The following CCDC127 variants were observed in gnomAD, a reference collection of about 807,000 sequenced individuals.
The protein encoded by CCDC127 is coiled-coil domain containing 127, also known as coiled-coil domain-containing protein 127.
In CCDC127, 2 loss-of-function variants were observed where a neutral mutation model predicts 4.1. That is an observed-to-expected ratio of 0.49 (90% CI 0.20 to 1.53). The LOEUF (loss-of-function observed/expected upper bound fraction) is 1.53, where lower values mean the gene tolerates loss of function less well. Among genes scored for constraint, CCDC127 ranks in the 40% most tolerant of loss-of-function variants. The pLI is 0.23. For missense variants in CCDC127, 271 were observed against 322.9 expected (o/e 0.84, Z 1.23); for synonymous variants, 98 against 120.4 (o/e 0.81, Z 1.22).
chr5:207,295 A>C (rs919856563), intron 2 of CCDC127, among the ~76,000 whole-genome samples: 3 of 152,208 alleles, frequency 2.0e-5, no homozygotes, highest in Admixed American at 1.3e-4. Context: ...TGCTAGTCCT[A>C]CTTCAGATGA....
intron 2 of CCDC127, among the ~76,000 whole-genome samples, chr5:208,764 C>T (rs983661939): frequency 9.2e-5 from 14 of 152,210 alleles, no homozygotes; most frequent in South Asian, 2.1e-4. Context: ...CCTGCCAGGG[C>T]GCCATTCAAG....
chr5:215,172 T>A (rs1050690706), intron 2 of CCDC127: 1 of 152,328 alleles, frequency 6.6e-6, no homozygotes, highest in East Asian at 1.9e-4. Context: ...AACGCTCCTA[T>A]GTGCAACAGA....
At chr5:213,108 C>T (rs1397708584) in intron 2 of CCDC127, among the ~76,000 whole-genome samples, 2 of 54,168 alleles carry the variant, frequency 3.7e-5, no homozygotes, top group Admixed American at 1.8e-4. Context: ...ACTGCAGCCA[C>T]GATGAGACAG....
At position 205,247 on chromosome 5, in the gene CCDC127, A is replaced by AT. The variant is rs764617214; in HGVS notation, c.*49dup. On this transcript the variant is annotated 3_prime_UTR_variant, in exon 3 of 3. Coordinates refer to ENST00000296824, the MANE Select transcript of CCDC127 (RefSeq NM_145265.3). ...AAGACGCCGGAGACCCAGAAGGCGC[A>AT]TGACTGCCTGGCCTCGAGTCACTAA... The AT allele has an allele frequency of 1.5e-5, 23 of 1,536,282 alleles. No homozygotes were observed. The South Asian group carries it at 2.5e-4, about 17-fold the overall frequency.
At chr5:208,251 G>C (rs1186242411) in intron 2 of CCDC127, among the ~76,000 whole-genome samples, 1 of 152,134 alleles carries the variant, frequency 6.6e-6, no homozygotes, top group African/African-American at 2.4e-5. Flanking sequence ...AGGCAGACTG[G>C]CTTGGGTCCT....
rs1233803175 is a variant in CCDC127 at position 203,802 on chromosome 5, G to A, written c.*1495C>T. 6.6e-6 allele frequency: 1 copy of A among 152,254 alleles called. No homozygotes were observed. Among genetic ancestry groups the A allele is most frequent in the Non-Finnish European group, 1.5e-5 (1 of 68,070 alleles). The allele number at this position is 152,254 out of a possible 1,614,324, so 9.4% of individuals were successfully genotyped here. A position where few individuals can be genotyped will look rare whatever the true frequency, so the allele number is the denominator to read the frequency against. The stretch of plus-strand genomic sequence containing the variant: ...CAACACTACTACCTGCGTGACCTCA[G>A]GCAGGTTAGCTCTTCCACATCTCCG... On this transcript the variant is annotated 3_prime_UTR_variant, in exon 3 of 3. Coordinates refer to ENST00000296824, the MANE Select transcript of CCDC127 (RefSeq NM_145265.3).
chr5:217,957 A>C, intron 1 of CCDC127, 136 bp downstream of exon 1: 1 of 352,624 alleles, frequency 2.8e-6, no homozygotes. Flanking sequence ...ACCTCCGCGG[A>C]CGAGCGCCCC....
intron 2 of CCDC127, among the ~76,000 whole-genome samples, chr5:210,919 ACTGTG>A (rs1734274173): frequency 2.8e-5 from 2 of 72,176 alleles, no homozygotes; most frequent in Non-Finnish European, 4.8e-5. Flanking sequence ...ACGGGACAGC[ACTGTG>A]AGCACGCTGA....
In CCDC127 at chr5:205,424, C is replaced by G; in HGVS notation, c.656G>C (p.Cys219Ser). ...LTDIFQHDTY[C>S]GDVWNTNKRQ... The stretch of plus-strand genomic sequence containing the variant: ...TTTGTTGGTGTTCCAGACATCACCA[C>G]AGTATGTATCATGCTGAAATATGTC... The change falls in exon 3 of 3, where the codon TGT becomes TCT. Residue 219 changes from cysteine to serine, a missense_variant. Physicochemically the swap from Cys to Ser is moderately radical, Grantham distance 112 (BLOSUM62 -1). This residue lies in a region of CCDC127 where 265 missense variants were observed against 270.9 expected (regional missense o/e 0.98). Transcript: ENST00000296824. The G allele has an allele frequency of 6.2e-7, 1 of 1,614,226 alleles. No individual in the cohort carries two copies. Among genetic ancestry groups the G allele is most frequent in the Non-Finnish European group, 8.5e-7 (1 of 1,180,046 alleles).
At position 205,962 on chromosome 5, in the gene CCDC127, A is replaced by T. The variant is rs1734163644; in HGVS notation, c.122-4T>A. ...GACTCCCTAGACCAAATCCAACCTG[A>T]CATGAATGAAGAAAAATACACATAA... is the stretch of plus-strand genomic sequence containing the variant. On this transcript the variant is annotated splice_polypyrimidine_tract_variant and splice_region_variant and intron_variant, in intron 2 of 2. Transcript: ENST00000296824. 1 of 1,590,196 alleles carries T rather than the reference A, an allele frequency of 6.3e-7. No homozygotes were observed. The highest frequency in any genetic ancestry group is 1.4e-5 in the African/African-American group (1 of 73,554).
chr5:202,969 A>G lies in CCDC127; in HGVS notation c.*2328T>C, dbSNP rs1215960849. 6.6e-6 allele frequency: 1 copy of G among 152,216 alleles called. No individual in the cohort carries two copies. The highest frequency in any genetic ancestry group is 1.5e-5 in the Non-Finnish European group (1 of 68,044). 9.4% of individuals were successfully genotyped at this position (152,216 alleles called of 1,614,324 possible). On this transcript the variant is annotated 3_prime_UTR_variant, in exon 3 of 3. Transcript: ENST00000296824. The stretch of plus-strand genomic sequence containing the variant: ...TTTTAGGGGCCGGGTGCCGTGGCCC[A>G]CACCTGTAATCCCAGTGCTGTGGGA...
chr5:208,137 G>C (rs370411426), intron 2 of CCDC127, among the ~76,000 whole-genome samples: 1 of 152,140 alleles, frequency 6.6e-6, no homozygotes, highest in Admixed American at 6.5e-5. Flanking sequence ...TGAGACTCCT[G>C]CTTCTGGGAA....
chr5:213,148 G>T (rs1268879200), intron 2 of CCDC127, among the ~76,000 whole-genome samples: 21 of 78,832 alleles, frequency 2.7e-4, no homozygotes, highest in African/African-American at 5.8e-4. Flanking sequence ...TGGGGCAGAC[G>T]GGACAGCAGT....
In CCDC127 at chr5:206,063, C is replaced by T. The variant is rs1734165818; in HGVS notation, c.122-105G>A. ...GCTAAGGATAGTGTTTCAGTAAAAGCTTAAGACCTCGGCTGTACCAAGAAG... is the reference window on the plus strand; with the variant it reads ...GCTAAGGATAGTGTTTCAGTAAAAGTTTAAGACCTCGGCTGTACCAAGAAG... On this transcript the variant is annotated intron_variant, in intron 2 of 2. Coordinates refer to ENST00000296824, the MANE Select transcript of CCDC127 (RefSeq NM_145265.3). The T allele has an allele frequency of 3.9e-6, 4 of 1,014,398 alleles. No individual in the cohort carries two copies. In the Admixed American group the frequency reaches 1.0e-4, roughly 25 times the overall value. 62.8% of individuals were successfully genotyped at this position (1,014,398 alleles called of 1,614,324 possible).
At position 201,544 on chromosome 5, in the gene CCDC127, C is replaced by T. The variant is rs1025290266; in HGVS notation, c.*3753G>A. On this transcript the variant is annotated 3_prime_UTR_variant, in exon 3 of 3. Coordinates refer to ENST00000296824, the MANE Select transcript of CCDC127 (RefSeq NM_145265.3). ...ACCTGCCAGTTCACACATACACACA[C>T]ATATGCACGCATATGAAATATATAT... is the stretch of plus-strand genomic sequence containing the variant. The T allele has an allele frequency of 3.3e-5, 5 of 152,322 alleles. No homozygotes were observed. The Middle Eastern group carries it at 0.01, about 311-fold the overall frequency. The allele number at this position is 152,322 out of a possible 1,614,324, so 9.4% of individuals were successfully genotyped here.
At chr5:215,545 G>A (rs1228649974) in intron 2 of CCDC127, 1 of 152,076 alleles carries the variant, frequency 6.6e-6, no homozygotes, top group Non-Finnish European at 1.5e-5. Context: ...AAGTGTTAAG[G>A]GTTTTTTTTC....
chr5:210,719 G>A (rs1734269410), intron 2 of CCDC127, among the ~76,000 whole-genome samples: 1 of 135,340 alleles, frequency 7.4e-6, no homozygotes, highest in Non-Finnish European at 1.5e-5. Flanking sequence ...CACCCATCAG[G>A]ATGGGGCAGA....
chr5:201,669 A>G lies in CCDC127; in HGVS notation c.*3628T>C, dbSNP rs1734079149. ...TACGGAAGAGAAATGCTGCCTCTTC[A>G]GTTTTGTTTTTGGAATGTCCAGGTC... On this transcript the variant is annotated 3_prime_UTR_variant, in exon 3 of 3. Coordinates refer to ENST00000296824, the MANE Select transcript of CCDC127 (RefSeq NM_145265.3). 1 of 152,238 alleles carries G rather than the reference A, an allele frequency of 6.6e-6. No individual in the cohort carries two copies. The highest frequency in any genetic ancestry group is 6.5e-5 in the Admixed American group (1 of 15,286). 9.4% of individuals were successfully genotyped at this position (152,238 alleles called of 1,614,324 possible).
At chr5:213,330 C>T (rs1236979959) in intron 2 of CCDC127, among the ~76,000 whole-genome samples, 1 of 83,770 alleles carries the variant, frequency 1.2e-5, no homozygotes, top group Non-Finnish European at 2.2e-5. Flanking sequence ...GCAGACGGGA[C>T]AGCAGTGTGA....
Sources: gnomAD v4.1 joint callset for allele counts (sites outside exome capture counted in the v4.1 genomes callset) on GRCh38, gnomAD v4.1.1 for gene constraint, gnomAD v4.1.1 regional missense constraint, MANE v1.5 for transcripts, NCBI Gene and HGNC (gene_info 2026-07-23, HGNC 2026-07-21) for gene names.